Variants in ESRRG observed in about 807,000 individuals in gnomAD.
The protein encoded by ESRRG is estrogen related receptor gamma.
A neutral mutation model predicts 44.0 loss-of-function variants in ESRRG; 13 were observed. The observed-to-expected ratio is 0.30, with a 90% CI of 0.19 to 0.47. The LOEUF (loss-of-function observed/expected upper bound fraction) is 0.47, where lower values mean the gene tolerates loss of function less well. Among genes scored for constraint, ESRRG ranks in the 20% least tolerant of loss-of-function variants. The pLI is 1.00. For synonymous variants in ESRRG, 215 were observed against 214.6 expected (o/e 1.00, Z -0.02); for missense variants, 395 against 580.6 (o/e 0.68, Z 3.29).
In ESRRG at chr1:216,779,337, A is replaced by G. The variant is rs1388474837; in HGVS notation, c.-13-101846T>C. On this transcript the variant is annotated intron_variant, in intron 2 of 7. Coordinates refer to the ESRRG transcript ENST00000359162. ...TTTATAAATATAAATATATATTTAT[A>G]TTTATAAACATAAAATATTTATATT... 3.0e-4 allele frequency among the ~76,000 whole-genome samples: 28 copies of G among 94,798 alleles called. 1 individual carries two copies. Among genetic ancestry groups the G allele is most frequent in the African/African-American group, 1.1e-3 (25 of 22,598 alleles). The allele number at this position is 94,798 out of a possible 152,430, so 62.2% of individuals were successfully genotyped here. A position where few individuals can be genotyped will look rare whatever the true frequency, so the allele number is the denominator to read the frequency against.
At chr1:216,553,039 C>T (rs561460328) in intron 5 of ESRRG, among the ~76,000 whole-genome samples, 1 of 152,158 alleles carries the variant, frequency 6.6e-6, no homozygotes, top group South Asian at 2.1e-4. Flanking sequence ...CAAATCTGTG[C>T]TGAGGACACC....
intron 2 of ESRRG, among the ~76,000 whole-genome samples, chr1:216,818,036 T>A (rs566687617): frequency 1.4e-3 from 207 of 152,290 alleles, no homozygotes; most frequent in Admixed American, 2.3e-3. Flanking sequence ...TATACAGTTA[T>A]CATTTCTGCA....
intron 1 of ESRRG, among the ~76,000 whole-genome samples, chr1:216,708,159 C>T (rs879592533): frequency 2.0e-5 from 3 of 150,574 alleles, no homozygotes; most frequent in African/African-American, 4.9e-5. Flanking sequence ...AACTGGTAGG[C>T]AATATTACTT....
At chr1:217,032,637 C>T (rs748186242) in intron 1 of ESRRG, among the ~76,000 whole-genome samples, 10 of 152,036 alleles carry the variant, frequency 6.6e-5, no homozygotes, top group Non-Finnish European at 1.5e-4. Flanking sequence ...ACATATAAAC[C>T]TAATGGAGAT....
In ESRRG at chr1:216,648,303, G is replaced by A. The variant is rs866982112; in HGVS notation, c.589+2670C>T. On this transcript the variant is annotated intron_variant, in intron 3 of 6. Transcript: ENST00000408911. ...TTACTCATAACCATCCCATCCTTTC[G>A]ATTTGGTGGTTGTGGGAGGTGGGGG... Among the ~76,000 whole-genome samples, 2 of 152,154 alleles carry A rather than the reference G, an allele frequency of 1.3e-5. 1 individual carries two copies. The highest frequency in any genetic ancestry group is 4.2e-4 in the South Asian group (2 of 4,818).
chr1:216,542,616 A>G (rs866664912), intron 5 of ESRRG, among the ~76,000 whole-genome samples: 1 of 152,034 alleles, frequency 6.6e-6, no homozygotes, highest in African/African-American at 2.4e-5. Flanking sequence ...TCGTCCTTCA[A>G]AACTTTTTTT....
intron 2 of ESRRG, among the ~76,000 whole-genome samples, chr1:216,906,052 T>C (rs2059653016): frequency 6.6e-6 from 1 of 152,220 alleles, no homozygotes; most frequent in Non-Finnish European, 1.5e-5. Context: ...TGCTCAGCGC[T>C]GTTAAAGAAG....
At chr1:216,519,824 A>AAC (rs1456194359) in intron 5 of ESRRG, among the ~76,000 whole-genome samples, 2 of 151,086 alleles carry the variant, frequency 1.3e-5, no homozygotes, top group Non-Finnish European at 2.9e-5. Context: ...TAAAAAAAAA[A>AAC]AAAAGAAGAA....
At chr1:217,057,562 A>G (rs78440551) in intron 1 of ESRRG, among the ~76,000 whole-genome samples, 1 of 152,202 alleles carries the variant, frequency 6.6e-6, no homozygotes, top group South Asian at 2.1e-4. Context: ...GACAGGACTG[A>G]AAAAAATGAT....
At chr1:217,009,419 C>T (rs1196438724) in intron 1 of ESRRG, among the ~76,000 whole-genome samples, 2 of 152,152 alleles carry the variant, frequency 1.3e-5, no homozygotes, top group Admixed American at 6.5e-5. Context: ...CCAAAAGACA[C>T]AGAGGGACAG....
chr1:216,578,710 T>C (rs191136154), intron 3 of ESRRG, among the ~76,000 whole-genome samples: 6 of 152,204 alleles, frequency 3.9e-5, no homozygotes, highest in Admixed American at 6.5e-5. Flanking sequence ...TGAGGAAAGT[T>C]AGCAAAGAAA....
chr1:216,814,343 T>C (rs2095069302), intron 2 of ESRRG, among the ~76,000 whole-genome samples: 2 of 152,326 alleles, frequency 1.3e-5, no homozygotes, highest in South Asian at 2.1e-4. Context: ...AGTTGAATTA[T>C]ACGATGGTTA....
At chr1:216,970,563 C>T (rs2071433551) in intron 1 of ESRRG, among the ~76,000 whole-genome samples, 1 of 152,152 alleles carries the variant, frequency 6.6e-6, no homozygotes, top group African/African-American at 2.4e-5. Context: ...CCTAACAGAA[C>T]AGATGTTTTT....
intron 1 of ESRRG, among the ~76,000 whole-genome samples, chr1:217,080,671 G>GTTTT (rs34598045): frequency 2.3e-4 from 15 of 65,220 alleles, no homozygotes; most frequent in African/African-American, 8.1e-4. Flanking sequence ...TGTTTTTTTG[G>GTTTT]TTTTTTTTTT....
chr1:216,937,257 G>A (rs1258128012), intron 2 of ESRRG, among the ~76,000 whole-genome samples: 2 of 150,738 alleles, frequency 1.3e-5, no homozygotes, highest in Non-Finnish European at 2.9e-5. Flanking sequence ...AAAAAAAAAA[G>A]ATTGCCGTGA....
chr1:216,866,914 A>G (rs1337852883), intron 2 of ESRRG, among the ~76,000 whole-genome samples: 2 of 152,202 alleles, frequency 1.3e-5, no homozygotes, highest in Admixed American at 1.3e-4. Context: ...TCTGCTACAT[A>G]GACAGTTTTT....
intron 2 of ESRRG, among the ~76,000 whole-genome samples, chr1:216,790,820 G>T (rs1364790650): frequency 6.6e-6 from 1 of 152,124 alleles, no homozygotes; most frequent in Admixed American, 6.6e-5. Flanking sequence ...ACAGATATCT[G>T]CCTGAGACAT....
intron 3 of ESRRG, among the ~76,000 whole-genome samples, chr1:216,588,872 C>A (rs1340994014): frequency 1.3e-5 from 2 of 152,146 alleles, no homozygotes; most frequent in South Asian, 2.1e-4. Flanking sequence ...CTATCGGGTA[C>A]TTCTCTGAGG....
chr1:216,507,780 C>A (rs1270947520), intron 6 of ESRRG, among the ~76,000 whole-genome samples: 1 of 152,194 alleles, frequency 6.6e-6, no homozygotes, highest in East Asian at 1.9e-4. Context: ...ACAGAGTCTA[C>A]TTCCCTGATG....
Sources: gnomAD v4.1 joint callset for allele counts (sites outside exome capture counted in the v4.1 genomes callset) on GRCh38, gnomAD v4.1.1 for gene constraint, MANE v1.5 for transcripts, NCBI Gene and HGNC (gene_info 2026-07-23, HGNC 2026-07-21) for gene names.